The following TJP1 variants were observed in gnomAD, a reference collection of about 807,000 sequenced individuals.
TJP1 encodes tight junction protein ZO-1.
In TJP1, 43 loss-of-function variants were observed where a neutral mutation model predicts 194.2. That is an observed-to-expected ratio of 0.22 (90% confidence interval 0.17 to 0.29). The LOEUF is 0.29. Ranked by LOEUF, TJP1 falls within the 10% of genes least tolerant of loss-of-function variation. The pLI is 1.00. For missense variants in TJP1, 1,971 were observed against 2,185.7 expected, an observed-to-expected ratio of 0.90 and a Z score of 1.96; for synonymous variants, 801 against 779.0, an observed-to-expected ratio of 1.03 and a Z score of -0.47.
rs890860027 is a variant in TJP1 at position 29,800,481 on chromosome 15, T to C, written c.84+165A>G. On this transcript the variant is annotated intron_variant, in intron 2 of 27. Transcript: ENST00000614355. ...TATATGAAAAAGTAATCATGCTCAC[T>C]TTTGACCTTAATAAAAAATTATTGT... The C allele has an allele frequency of 2.0e-5, 13 of 643,354 alleles. No individual in the cohort carries two copies. The African/African-American group carries it at 2.4e-4, about 12-fold the overall frequency. 39.9% of individuals were successfully genotyped at this position (643,354 alleles called of 1,614,324 possible). A position where few individuals can be genotyped will look rare whatever the true frequency, so the allele number is the denominator to read the frequency against.
chr15:29,742,605 C>A, intron 9 of TJP1, 37 bp downstream of exon 9: 1 of 1,509,390 alleles, frequency 6.6e-7, no homozygotes, highest in Non-Finnish European at 8.8e-7. Context: ...ACTCTACTTG[C>A]AAATGTTTCT....
intron 2 of TJP1, among the ~76,000 whole-genome samples, chr15:29,834,759 T>C (rs1340628840): frequency 6.6e-6 from 1 of 152,150 alleles, no homozygotes; most frequent in African/African-American, 2.4e-5. Context: ...GAGCTTCAAG[T>C]GCAGCAAAAA....
chr15:29,966,887 A>AC (rs1468373142), intron 1 of TJP1, among the ~76,000 whole-genome samples: 1 of 152,098 alleles, frequency 6.6e-6, no homozygotes, highest in Admixed American at 6.6e-5. Context: ...TTCAAATGTT[A>AC]CCCCTTCTTC....
In TJP1 at chr15:29,720,289, C is replaced by T. The variant is rs967207085; in HGVS notation, c.2763+69G>A. The T allele has an allele frequency of 1.4e-5, 19 of 1,328,366 alleles. No homozygotes were observed. The Admixed American group carries it at 2.6e-4, about 18-fold the overall frequency. 82.3% of individuals were successfully genotyped at this position (1,328,366 alleles called of 1,614,324 possible). The stretch of plus-strand genomic sequence containing the variant: ...GAAAGGACAACATATATATTTTTAA[C>T]TCAATCACCACATTCTAAAATTTAA... On this transcript the variant is annotated intron_variant, in intron 19 of 27. Coordinates refer to ENST00000614355, the MANE Select transcript of TJP1 (RefSeq NM_001330239.4).
intron 5 of TJP1, among the ~76,000 whole-genome samples, 170 bp from the exon 6 acceptor site, chr15:29,762,608 A>G (rs535930088): frequency 3.3e-5 from 5 of 152,306 alleles, no homozygotes; most frequent in African/African-American, 9.6e-5. Flanking sequence ...CTAATTAGCA[A>G]GTCTGCAATG....
upstream of TJP1, chr15:29,822,585 CG>C: frequency 2.9e-6 from 2 of 686,472 alleles, no homozygotes; most frequent in African/African-American, 1.9e-5. Flanking sequence ...GGGGGCGGGA[CG>C]AGCGGCCGGG....
At chr15:29,966,710 T>G (rs1317637620) in intron 1 of TJP1, among the ~76,000 whole-genome samples, 1 of 152,030 alleles carries the variant, frequency 6.6e-6, no homozygotes, top group African/African-American at 2.4e-5. Flanking sequence ...CCCTCCCTCA[T>G]GCAACTTACA....
chr15:29,772,347 GT>G (rs2046745785), intron 3 of TJP1, among the ~76,000 whole-genome samples, 181 bp from the exon 4 acceptor site: 1 of 152,148 alleles, frequency 6.6e-6, no homozygotes, highest in African/African-American at 2.4e-5. Flanking sequence ...TCTGCAGAAT[GT>G]TTAACAAGTA....
chr15:29,891,949 T>C (rs1213266596), intron 2 of TJP1, among the ~76,000 whole-genome samples: 1 of 152,212 alleles, frequency 6.6e-6, no homozygotes, highest in Middle Eastern at 3.2e-3. Context: ...TCCGTCATAT[T>C]AAATCAAAAA....
rs776297134 is a variant in TJP1, at chr15:29,761,227, G to A, written c.922C>T (p.Pro308Ser). ...DHSGRSHDRP[P>S]RRSRSRSPDQ... ...GGAGATCGTGACCGGCTGCGGCGGG[G>A]AGGCCTATCGTGTGATCGACCAGAA... Residue 308 changes from proline (P) to serine (S), a missense_variant, in exon 8 of 28, where the codon CCC (proline) becomes TCC (serine). Around this residue, in one of 5 missense-constraint regions of TJP1, gnomAD observed 192 missense variants for 182.3 expected, o/e 1.05. Transcript: ENST00000614355. 11 of 1,614,120 alleles carry A rather than the reference G, an allele frequency of 6.8e-6. No individual in the cohort carries two copies. Among genetic ancestry groups the A allele is most frequent in the Admixed American group, 5.0e-5 (3 of 60,020 alleles).
Position 29,733,113 on chromosome 15 carries a change from T to C in TJP1, c.1717A>G (p.Ile573Val). Residue 573 changes from isoleucine (I) to valine (V), a missense_variant, in exon 13 of 28, where the codon ATC becomes GTC. Coordinates refer to ENST00000614355, the MANE Select transcript of TJP1 (RefSeq NM_001330239.4). ...TCATACCTGTTCTTATTAGGGATGA[T>C]GCCTCGTTCTACCTCCTTATGATTT... ...GKNHKEVERG[I>V]IPNKNRAEQL... 4 of 1,614,034 alleles carry C rather than the reference T, an allele frequency of 2.5e-6. No homozygotes were observed. The highest frequency in any genetic ancestry group is 3.4e-6 in the Non-Finnish European group (4 of 1,179,978).
At chr15:29,948,367 A>G (rs1276234648) in intron 2 of TJP1, among the ~76,000 whole-genome samples, 1 of 151,910 alleles carries the variant, frequency 6.6e-6, no homozygotes, top group South Asian at 2.1e-4. Flanking sequence ...TATTAATACC[A>G]TGTCTTTTAT....
At chr15:29,834,122 C>G (rs1285709875) in intron 2 of TJP1, among the ~76,000 whole-genome samples, 1 of 150,778 alleles carries the variant, frequency 6.6e-6, no homozygotes, top group African/African-American at 2.4e-5. Flanking sequence ...ACCTCGTGAT[C>G]GGCCCACCTC....
At chr15:29,920,598 C>A (rs1468972038) in intron 2 of TJP1, among the ~76,000 whole-genome samples, 2 of 152,202 alleles carry the variant, frequency 1.3e-5, no homozygotes, top group Non-Finnish European at 2.9e-5. Flanking sequence ...CGTTACCTAT[C>A]TTCGGGGTTG....
At chr15:29,822,574 AG>A (rs2050490938), upstream of TJP1, 2 of 372,118 alleles carry the variant, frequency 5.4e-6, no homozygotes, top group African/African-American at 2.2e-5. Flanking sequence ...GCGGCGGGGG[AG>A]GGGGCGGGAC....
intron 2 of TJP1, among the ~76,000 whole-genome samples, chr15:29,791,891 A>G (rs1567036945): frequency 6.6e-6 from 1 of 152,078 alleles, no homozygotes; most frequent in Non-Finnish European, 1.5e-5. Flanking sequence ...TTTTTCATAT[A>G]CCTGTTGACC....
chr15:29,894,538 A>G (rs577579643), intron 2 of TJP1, among the ~76,000 whole-genome samples: 30 of 152,368 alleles, frequency 2.0e-4, no homozygotes, highest in Non-Finnish European at 2.8e-4. Flanking sequence ...TTGTGCGGCT[A>G]TAACAAAATC....
chr15:29,753,483 C>CAAAAA (rs34221786), intron 8 of TJP1, among the ~76,000 whole-genome samples: 1 of 47,938 alleles, frequency 2.1e-5, no homozygotes, highest in Non-Finnish European at 4.0e-5. Flanking sequence ...GACTCTGTGT[C>CAAAAA]AAAAAAAAAA....
chr15:29,755,211 A>T (rs2045568183), intron 8 of TJP1, among the ~76,000 whole-genome samples: 1 of 152,202 alleles, frequency 6.6e-6, no homozygotes, highest in Non-Finnish European at 1.5e-5. Flanking sequence ...GCTACACCAT[A>T]TAGCCTGGGT....
Sources: allele counts gnomAD v4.1 joint callset (sites outside exome capture counted in the v4.1 genomes callset), GRCh38; gene constraint gnomAD v4.1.1; regional missense constraint gnomAD v4.1.1; transcripts MANE v1.5; gene names NCBI Gene and HGNC (gene_info 2026-07-23, HGNC 2026-07-21).